The following TAS2R13 variants were observed in gnomAD, a reference collection of about 807,000 sequenced individuals.
TAS2R13 encodes taste 2 receptor member 13.
For missense variants in TAS2R13, 384 were observed against 347.5 expected (o/e 1.11, Z -0.84); for synonymous variants, 129 against 125.5 (o/e 1.03, Z -0.19).
chr12:10,908,323 T>C lies in TAS2R13; in HGVS notation c.*64A>G. The C allele has an allele frequency of 1.4e-6, 2 of 1,446,188 alleles. No individual in the cohort carries two copies. The highest frequency in any genetic ancestry group is 1.9e-6 in the Non-Finnish European group (2 of 1,065,442). The allele number at this position is 1,446,188 out of a possible 1,614,324, so 89.6% of individuals were successfully genotyped here. ...AATATCTTTTAAACTCCTTGTAGAC[T>C]CCTGTTTCTGTCTGCAATATTCAAT... On this transcript the variant is annotated 3_prime_UTR_variant, in exon 1 of 1. Coordinates refer to ENST00000390677, the MANE Select transcript of TAS2R13 (RefSeq NM_023920.2).
chr12:10,909,094 C>G lies in TAS2R13; in HGVS notation c.205G>C (p.Ala69Pro). Residue 69 changes from alanine to proline, a missense_variant, in exon 1 of 1, where the codon GCT (alanine) becomes CCT (proline). Coordinates refer to ENST00000390677, the MANE Select transcript of TAS2R13 (RefSeq NM_023920.2). ...IWEILVSWFL[A>P]LHYLAIFVSG... The stretch of plus-strand genomic sequence containing the variant: ...ACAAATATGGCTAGATAATGCAGAG[C>G]TAAAAACCAACTTACTAATATTTCC... 2 of 1,613,594 alleles carry G rather than the reference C, an allele frequency of 1.2e-6. No homozygotes were observed. The highest frequency in any genetic ancestry group is 1.7e-6 in the Non-Finnish European group (2 of 1,179,948).
Position 10,908,341 on chromosome 12 carries a change from T to A in TAS2R13, c.*46A>T. 6.5e-7 allele frequency: 1 copy of A among 1,529,540 alleles called. No homozygotes were observed. The highest frequency in any genetic ancestry group is 8.8e-7 in the Non-Finnish European group (1 of 1,132,014). The allele number at this position is 1,529,540 out of a possible 1,614,324, so 94.7% of individuals were successfully genotyped here. On this transcript the variant is annotated 3_prime_UTR_variant, in exon 1 of 1. Transcript: ENST00000390677. Reference sequence around the variant, plus strand: ...TGTAGACTCCTGTTTCTGTCTGCAATATTCAATAATCTGTGGTCTGAATGG... The same window carrying A: ...TGTAGACTCCTGTTTCTGTCTGCAAAATTCAATAATCTGTGGTCTGAATGG...
Position 10,908,638 on chromosome 12 carries a change from C to G in TAS2R13, c.661G>C (p.Asp221His). 1 of 1,613,962 alleles carries G rather than the reference C, an allele frequency of 6.2e-7. No individual in the cohort carries two copies. The highest frequency in any genetic ancestry group is 1.3e-5 in the African/African-American group (1 of 75,018). Residue 221 changes from aspartate to histidine, a missense_variant, in exon 1 of 1, where the codon GAC becomes CAC. Transcript: ENST00000390677. ...KMQLNYKGHR[D>H]PRTKVHTNAL... is the part of the protein sequence containing the mutation. ...TTTGTATGGACCTTGGTCCTGGGGT[C>G]TCTGTGTCCTTTGTAATTGAGTTGC...
In TAS2R13 at chr12:10,908,331, C is replaced by T. The variant is rs918472951; in HGVS notation, c.*56G>A. 2.9e-5 allele frequency: 43 copies of T among 1,489,824 alleles called. No homozygotes were observed. The highest frequency in any genetic ancestry group is 3.7e-5 in the Non-Finnish European group (41 of 1,102,770). 92.3% of individuals were successfully genotyped at this position (1,489,824 alleles called of 1,614,324 possible). ...TTAAACTCCTTGTAGACTCCTGTTTCTGTCTGCAATATTCAATAATCTGTG... is the reference window on the plus strand; with the variant it reads ...TTAAACTCCTTGTAGACTCCTGTTTTTGTCTGCAATATTCAATAATCTGTG... On this transcript the variant is annotated 3_prime_UTR_variant, in exon 1 of 1. Transcript: ENST00000390677.
Position 10,909,474 on chromosome 12 carries a change from T to C in TAS2R13, c.-176A>G. The stretch of plus-strand genomic sequence containing the variant: ...ATCTCTAAAGTTTGCTGATCGATCT[T>C]CACATAACTGTTCTGGTGATATCTT... On this transcript the variant is annotated 5_prime_UTR_variant, in exon 1 of 1. An upstream open reading frame in the 5' UTR loses its in-frame stop. Transcript: ENST00000390677. The C allele has an allele frequency of 1.7e-6, 1 of 582,574 alleles. No homozygotes were observed. Among genetic ancestry groups the C allele is most frequent in the South Asian group, 2.5e-5 (1 of 40,238 alleles). The allele number at this position is 582,574 out of a possible 1,614,324, so 36.1% of individuals were successfully genotyped here.
chr12:10,909,307 A>C lies in TAS2R13; in HGVS notation c.-9T>G. The C allele has an allele frequency of 1.3e-6, 2 of 1,598,270 alleles. No homozygotes were observed. The highest frequency in any genetic ancestry group is 2.2e-5 in the East Asian group (1 of 44,678). On this transcript the variant is annotated 5_prime_UTR_variant, in exon 1 of 1. Coordinates refer to ENST00000390677, the MANE Select transcript of TAS2R13 (RefSeq NM_023920.2). ...GGCAGGGCACTTTCCATGTCAGAAC[A>C]GAGAAAGTTCAATGTCTAATGTCAC...
rs749835630 is a variant in TAS2R13, at chr12:10,909,332, C to T, written c.-34G>A. 2.0e-6 allele frequency: 3 copies of T among 1,469,362 alleles called. No individual in the cohort carries two copies. The highest frequency in any genetic ancestry group is 1.9e-6 in the Non-Finnish European group (2 of 1,058,920). The allele number at this position is 1,469,362 out of a possible 1,614,324, so 91.0% of individuals were successfully genotyped here. On this transcript the variant is annotated 5_prime_UTR_variant, in exon 1 of 1. The change creates a new upstream start codon in the 5' untranslated region. Coordinates refer to ENST00000390677, the MANE Select transcript of TAS2R13 (RefSeq NM_023920.2). ...AGAGAAAGTTCAATGTCTAATGTCA[C>T]TGCTGGTTATTCACTGATCTAAAAT... is the stretch of plus-strand genomic sequence containing the variant.
the TAS2R13 span, chr12:10,909,219 AT>A: frequency 6.2e-7 from 1 of 1,613,752 alleles, no homozygotes; most frequent in Admixed American, 1.7e-5. Flanking sequence ...GATCAGTACT[AT>A]AAATCCATTG....
chr12:10,908,755 T>A lies in TAS2R13; in HGVS notation c.544A>T (p.Thr182Ser). The change falls in exon 1 of 1, where the codon ACT becomes TCT. Residue 182 changes from threonine to serine, a missense_variant. Coordinates refer to ENST00000390677, the MANE Select transcript of TAS2R13 (RefSeq NM_023920.2). ...FETFSVSVKF[T>S]MTMFSLTPFT... is the part of the protein sequence containing the mutation. ...GGTGTTAGACTGAACATAGTCATAG[T>A]GAATTTGACCGACACTGAAAATGTT... The A allele has an allele frequency of 6.2e-7, 1 of 1,613,990 alleles. No homozygotes were observed. Among genetic ancestry groups the A allele is most frequent in the Non-Finnish European group, 8.5e-7 (1 of 1,179,932 alleles).
In TAS2R13 at chr12:10,909,329, T is replaced by C; in HGVS notation, c.-31A>G. On this transcript the variant is annotated 5_prime_UTR_variant, in exon 1 of 1. Transcript: ENST00000390677. ...AACAGAGAAAGTTCAATGTCTAATG[T>C]CACTGCTGGTTATTCACTGATCTAA... The C allele has an allele frequency of 1.3e-6, 2 of 1,482,146 alleles. No homozygotes were observed. The highest frequency in any genetic ancestry group is 9.4e-7 in the Non-Finnish European group (1 of 1,069,172). The allele number at this position is 1,482,146 out of a possible 1,614,324, so 91.8% of individuals were successfully genotyped here. A position where few individuals can be genotyped will look rare whatever the true frequency, so the allele number is the denominator to read the frequency against.
Position 10,908,266 on chromosome 12 carries a change from C to A in TAS2R13, c.*121G>T. The A allele has an allele frequency of 1.2e-6, 1 of 866,686 alleles. No homozygotes were observed. The highest frequency in any genetic ancestry group is 2.0e-5 in the South Asian group (1 of 49,930). 53.7% of individuals were successfully genotyped at this position (866,686 alleles called of 1,614,324 possible). On this transcript the variant is annotated 3_prime_UTR_variant, in exon 1 of 1. Transcript: ENST00000390677. ...AAGAATTTAAAACATTTACAGTGAC[C>A]TTCACAATAAAAGAAACCAGGGGAA...
rs1949840184 is a variant in TAS2R13 at position 10,908,516 on chromosome 12, C to G, written c.783G>C (p.Val261=). 1.2e-6 allele frequency: 2 copies of G among 1,613,784 alleles called. No individual in the cohort carries two copies. Among genetic ancestry groups the G allele is most frequent in the African/African-American group, 2.7e-5 (2 of 74,904 alleles). The change falls in exon 1 of 1, where the codon GTG becomes GTC. Residue 261 remains valine, a synonymous_variant. Coordinates refer to ENST00000390677, the MANE Select transcript of TAS2R13 (RefSeq NM_023920.2). ...CAATCGTCTCACAAAGCATGTAGAT[C>G]ACTGTGTTCTGATACAGCTCAGAAA... The part of the protein sequence containing the change: ...SWISELYQNT[V]IYMLCETIGV...
In TAS2R13 at chr12:10,908,554, G is replaced by T; in HGVS notation, c.745C>A (p.Leu249Ile). Reference sequence around the variant, plus strand: ...TACAGCTCAGAAATCCATGATATGAGAACACATAGAAAGAAACTAGCATAG... The same window carrying T: ...TACAGCTCAGAAATCCATGATATGATAACACATAGAAAGAAACTAGCATAG... ...LFYASFFLCV[L>I]ISWISELYQN... The change falls in exon 1 of 1, where the codon CTC (leucine) becomes ATC (isoleucine). Residue 249 changes from leucine to isoleucine, a missense_variant. Leu to Ile is a conservative substitution (Grantham distance 5, BLOSUM62 2). Transcript: ENST00000390677. The T allele has an allele frequency of 6.2e-7, 1 of 1,613,916 alleles. No individual in the cohort carries two copies. The highest frequency in any genetic ancestry group is 8.5e-7 in the Non-Finnish European group (1 of 1,179,954).
chr12:10,909,359 C>T lies in TAS2R13; in HGVS notation c.-61G>A. 1.7e-6 allele frequency: 2 copies of T among 1,201,528 alleles called. No individual in the cohort carries two copies. Among genetic ancestry groups the T allele is most frequent in the Non-Finnish European group, 2.4e-6 (2 of 834,230 alleles). 74.4% of individuals were successfully genotyped at this position (1,201,528 alleles called of 1,614,324 possible). ...GCTGGTTATTCACTGATCTAAAATG[C>T]TATTCACATCCTTGAGTGTCCAGTG... On this transcript the variant is annotated 5_prime_UTR_variant, in exon 1 of 1. An upstream open reading frame in the 5' UTR loses its in-frame stop. Coordinates refer to ENST00000390677, the MANE Select transcript of TAS2R13 (RefSeq NM_023920.2).
At position 10,908,630 on chromosome 12, in the gene TAS2R13, C is replaced by T. The variant is rs754694608; in HGVS notation, c.669G>A (p.Arg223=). The T allele has an allele frequency of 1.2e-6, 2 of 1,613,922 alleles. No homozygotes were observed. The highest frequency in any genetic ancestry group is 1.1e-5 in the South Asian group (1 of 91,072). The change falls in exon 1 of 1, where the codon AGG becomes AGA. Residue 223 remains arginine, a synonymous_variant. Transcript: ENST00000390677. ...TCAAGGCATTTGTATGGACCTTGGT[C>T]CTGGGGTCTCTGTGTCCTTTGTAAT... ...QLNYKGHRDP[R]TKVHTNALKI... is the part of the protein sequence containing the mutation.
Position 10,908,401 on chromosome 12 carries a change from A to G in TAS2R13, c.898T>C (p.Trp300Arg), listed in dbSNP as rs1274871306. Residue 300 changes from tryptophan (W) to arginine (R), a missense_variant, in exon 1 of 1, where the codon TGG becomes CGG. Trp to Arg is a moderately radical substitution (Grantham distance 101, BLOSUM62 -3). Transcript: ENST00000390677. ...QAFLLVAAKV[W>R]AKR is the part of the protein sequence containing the mutation. ...TTGTGAGTTTCTCATCGTTTAGCCC[A>G]TACCTTAGCTGCCACCAAAAGAAAG... 1.2e-6 allele frequency: 2 copies of G among 1,612,474 alleles called. No individual in the cohort carries two copies. Among genetic ancestry groups the G allele is most frequent in the African/African-American group, 1.3e-5 (1 of 74,936 alleles).
chr12:10,908,588 G>A lies in TAS2R13; in HGVS notation c.711C>T (p.Phe237=). The A allele has an allele frequency of 6.2e-7, 1 of 1,613,982 alleles. No homozygotes were observed. Among genetic ancestry groups the A allele is most frequent in the Non-Finnish European group, 8.5e-7 (1 of 1,179,942 alleles). The change falls in exon 1 of 1, where the codon TTC becomes TTT. Residue 237 remains phenylalanine, a synonymous_variant. Transcript: ENST00000390677. ...HTNALKIVIS[F]LLFYASFFLC... is the part of the protein sequence containing the mutation. ...GAAAGAAACTAGCATAGAATAAAAG[G>A]AATGAGATCACAATTTTCAAGGCAT...
Position 10,908,467 on chromosome 12 carries a change from A to C in TAS2R13, c.832T>G (p.Ser278Ala). The change falls in exon 1 of 1, where the codon TCC (serine) becomes GCC (alanine). Residue 278 changes from serine to alanine, a missense_variant. Ser to Ala is a moderately conservative substitution (Grantham distance 99). Transcript: ENST00000390677. ...GCGTTTCCTAGAATCAGAAGAAAGG[A>C]GTGGCTTGAAGGAGAGAAGACTCCA... is the stretch of plus-strand genomic sequence containing the variant. Reference protein sequence around the residue: ...TIGVFSPSSHSFLLILGNAKL... With the variant: ...TIGVFSPSSHAFLLILGNAKL... The C allele has an allele frequency of 1.2e-6, 2 of 1,613,930 alleles. No individual in the cohort carries two copies. Among genetic ancestry groups the C allele is most frequent in the South Asian group, 2.2e-5 (2 of 91,078 alleles).
In TAS2R13 at chr12:10,908,394, T is replaced by C. The variant is rs1293310028; in HGVS notation, c.905A>G (p.Lys302Arg). 1 of 1,610,154 alleles carries C rather than the reference T, an allele frequency of 6.2e-7. No individual in the cohort carries two copies. The highest frequency in any genetic ancestry group is 1.1e-5 in the South Asian group (1 of 90,228). The change falls in exon 1 of 1, where the codon AAA (lysine) becomes AGA (arginine). Residue 302 changes from lysine (K) to arginine (R), a missense_variant. By Grantham distance (26) the Lys-to-Arg change is conservative. Coordinates refer to ENST00000390677, the MANE Select transcript of TAS2R13 (RefSeq NM_023920.2). Reference protein sequence around the residue: ...FLLVAAKVWAKR With the variant: ...FLLVAAKVWARR ...TATGAAATTGTGAGTTTCTCATCGTTTAGCCCATACCTTAGCTGCCACCAA... is the reference window on the plus strand; with the variant it reads ...TATGAAATTGTGAGTTTCTCATCGTCTAGCCCATACCTTAGCTGCCACCAA...
Sources: allele counts gnomAD v4.1 joint callset, GRCh38; gene constraint gnomAD v4.1.1; transcripts MANE v1.5; gene names NCBI Gene and HGNC (gene_info 2026-07-23, HGNC 2026-07-21).